RPL14: variants seen among roughly 807,000 people sequenced by gnomAD.
RPL14 encodes the protein large ribosomal subunit protein eL14.
A neutral mutation model predicts 25.3 loss-of-function variants in RPL14; 4 were observed. The observed-to-expected ratio is 0.16, with a 90% CI of 0.08 to 0.36. The LOEUF (loss-of-function observed/expected upper bound fraction) is 0.36. Ranked by LOEUF, RPL14 falls within the 10% of genes least tolerant of loss-of-function variation. The pLI is 1.00. For synonymous variants in RPL14, 75 were observed against 89.8 expected (o/e 0.84, Z 0.93); for missense variants, 212 against 261.9 (o/e 0.81, Z 1.31).
intron 1 of RPL14, 121 bp from the exon 2 acceptor site, chr3:40,457,769 G>T (rs1696866968): frequency 1.0e-6 from 1 of 989,218 alleles, no homozygotes; most frequent in Non-Finnish European, 1.5e-6. Flanking sequence ...GCTCTCGGGC[G>T]TTTGTTCCCT....
chr3:40,461,304 G>A, intron 3 of RPL14, 103 bp from the exon 4 acceptor site: 1 of 869,702 alleles, frequency 1.1e-6, no homozygotes, highest in Admixed American at 2.0e-5. Flanking sequence ...TGTACCAGGT[G>A]TTGTGTAACA....
Position 40,462,372 on chromosome 3 carries a change from C to CTTTTTTTTTTTTTTTTTTTTTTT in RPL14, c.*140_*141insTTTTTTTTTTTTTTTTTTTTTTT, listed in dbSNP as rs1575252735. ...TATAATAAACATTAAATAATCAGTT[C>CTTTTTTTTTTTTTTTTTTTTTTT]CTTTTTTTTTTTTTTTTTTTTTGAG... On this transcript the variant is annotated 3_prime_UTR_variant, in exon 6 of 6. Transcript: ENST00000396203. 1.9e-6 allele frequency: 1 copy of CTTTTTTTTTTTTTTTTTTTTTTT among 519,602 alleles called. No homozygotes were observed. Among genetic ancestry groups the CTTTTTTTTTTTTTTTTTTTTTTT allele is most frequent in the South Asian group, 3.8e-5 (1 of 26,574 alleles). The allele number at this position is 519,602 out of a possible 1,614,324, so 32.2% of individuals were successfully genotyped here. A position where few individuals can be genotyped will look rare whatever the true frequency, so the allele number is the denominator to read the frequency against.
In RPL14 at chr3:40,457,385, T is replaced by C; in HGVS notation, c.-87T>C. 6.2e-7 allele frequency: 1 copy of C among 1,603,528 alleles called. No individual in the cohort carries two copies. The highest frequency in any genetic ancestry group is 8.5e-7 in the Non-Finnish European group (1 of 1,174,620). On this transcript the variant is annotated 5_prime_UTR_variant, in exon 1 of 6. Coordinates refer to ENST00000396203, the MANE Select transcript of RPL14 (RefSeq NM_001034996.3). ...CATGGTGAGTCTTACTGTTGCGGGCTCCGGGGCCGTCGACCATGCCGCTCG... is the reference window on the plus strand; with the variant it reads ...CATGGTGAGTCTTACTGTTGCGGGCCCCGGGGCCGTCGACCATGCCGCTCG...
In RPL14 at chr3:40,464,475, G is replaced by A. The variant is rs903288795; in HGVS notation, c.*2243G>A. The A allele has an allele frequency of 7.2e-5, 33 of 455,936 alleles. No homozygotes were observed. The highest frequency in any genetic ancestry group is 5.3e-5 in the Non-Finnish European group (12 of 226,804). The allele number at this position is 455,936 out of a possible 1,614,324, so 28.2% of individuals were successfully genotyped here. ...ATACCTAAAATAAGAAGAAGGTGGT[G>A]TAAGGGGAAGAATGACACGAGATAG... On this transcript the variant is annotated 3_prime_UTR_variant, in exon 6 of 6. Coordinates refer to ENST00000396203, the MANE Select transcript of RPL14 (RefSeq NM_001034996.3).
Position 40,464,384 on chromosome 3 carries a change from A to G in RPL14, c.*2152A>G, listed in dbSNP as rs777495579. On this transcript the variant is annotated 3_prime_UTR_variant, in exon 6 of 6. Transcript: ENST00000396203. ...AGTGGTATGGTGTAATAAGGAAAAT[A>G]TGGATGATTTCGGATTACCTGTTCT... The G allele has an allele frequency of 1.1e-4, 51 of 448,322 alleles. No individual in the cohort carries two copies. The highest frequency in any genetic ancestry group is 1.8e-4 in the Non-Finnish European group (41 of 222,778). 27.8% of individuals were successfully genotyped at this position (448,322 alleles called of 1,614,324 possible). A position where few individuals can be genotyped will look rare whatever the true frequency, so the allele number is the denominator to read the frequency against.
rs1447055207 is a variant in RPL14 at position 40,463,938 on chromosome 3, A to T, written c.*1706A>T. The T allele has an allele frequency of 6.5e-6, 1 of 153,846 alleles. No individual in the cohort carries two copies. The highest frequency in any genetic ancestry group is 1.4e-5 in the Non-Finnish European group (1 of 69,272). The allele number at this position is 153,846 out of a possible 1,614,324, so 9.5% of individuals were successfully genotyped here. Reference sequence around the variant, plus strand: ...GCAGTAAAAGATCCTGGATAGATTTAAAAATACTACAAAGCTGTACATGAA... The same window carrying T: ...GCAGTAAAAGATCCTGGATAGATTTTAAAATACTACAAAGCTGTACATGAA... On this transcript the variant is annotated 3_prime_UTR_variant, in exon 6 of 6. Transcript: ENST00000396203.
Position 40,466,989 on chromosome 3 carries a change from T to G in RPL14, c.*4757T>G, listed in dbSNP as rs538050159. The G allele has an allele frequency of 6.6e-6, 1 of 152,258 alleles. No homozygotes were observed. The highest frequency in any genetic ancestry group is 1.5e-5 in the Non-Finnish European group (1 of 68,014). The allele number at this position is 152,258 out of a possible 1,614,324, so 9.4% of individuals were successfully genotyped here. On this transcript the variant is annotated 3_prime_UTR_variant, in exon 6 of 6. Transcript: ENST00000396203. ...TTTTTAATCTAGGCTAAATCATGAA[T>G]ACATTTACATTTAAATAAAATATTA...
intron 1 of RPL14, 36 bp downstream of exon 1, chr3:40,457,510 G>GGCCCGTCCCGGACTCGC: frequency 6.7e-7 from 1 of 1,485,012 alleles, no homozygotes. Flanking sequence ...AGCGGAATCG[G>GGCCCGTCCCGGACTCGC]GCCCTTCCCG....
chr3:40,459,345 G>A (rs1250073805), intron 3 of RPL14, among the ~76,000 whole-genome samples: 1 of 152,084 alleles, frequency 6.6e-6, no homozygotes, highest in Non-Finnish European at 1.5e-5. Flanking sequence ...ATTGCTACTA[G>A]CTATCATTAG....
At chr3:40,461,914 G>A (rs1696942989) in intron 5 of RPL14, 25 bp from the exon 6 acceptor site, 1 of 1,579,180 alleles carries the variant, frequency 6.3e-7, no homozygotes, top group East Asian at 2.2e-5. Context: ...CACAATAAGT[G>A]CTTTCTTACA....
intron 3 of RPL14, 90 bp from the exon 4 acceptor site, chr3:40,461,313 CAGGA>C: frequency 1.0e-6 from 1 of 993,244 alleles, no homozygotes; most frequent in Non-Finnish European, 1.6e-6. Flanking sequence ...TGTTGTGTAA[CAGGA>C]AGAGTGCTTT....
At chr3:40,458,251 A>G (rs1214157714) in intron 2 of RPL14, 2 of 561,700 alleles carry the variant, frequency 3.6e-6, no homozygotes, top group Non-Finnish European at 6.3e-6. Context: ...TACTATACGT[A>G]AAGTGAGTTT....
In RPL14 at chr3:40,466,697, A is replaced by C. The variant is rs1280144503; in HGVS notation, c.*4465A>C. 4 of 152,200 alleles carry C rather than the reference A, an allele frequency of 2.6e-5. No homozygotes were observed. The highest frequency in any genetic ancestry group is 9.7e-5 in the African/African-American group (4 of 41,440). 9.4% of individuals were successfully genotyped at this position (152,200 alleles called of 1,614,324 possible). A position where few individuals can be genotyped will look rare whatever the true frequency, so the allele number is the denominator to read the frequency against. On this transcript the variant is annotated 3_prime_UTR_variant, in exon 6 of 6. Coordinates refer to ENST00000396203, the MANE Select transcript of RPL14 (RefSeq NM_001034996.3). ...GTCAAATAAGATGCTTGTGAAAGTG[A>C]GGACAGGATCTATCCTCAACACCTA... is the stretch of plus-strand genomic sequence containing the variant.
rs1696856682 is a variant in RPL14 at position 40,457,373 on chromosome 3, A to C, written c.-99A>C. 6.2e-7 allele frequency: 1 copy of C among 1,607,028 alleles called. No homozygotes were observed. Among genetic ancestry groups the C allele is most frequent in the South Asian group, 1.1e-5 (1 of 90,562 alleles). On this transcript the variant is annotated 5_prime_UTR_variant, in exon 1 of 6. Transcript: ENST00000396203. ...TAACGCCGCCAACATGGTGAGTCTT[A>C]CTGTTGCGGGCTCCGGGGCCGTCGA...
Position 40,461,421 on chromosome 3 carries a change from A to G in RPL14, c.215A>G (p.Tyr72Cys). ...LKFPHSAHQKYVRQAWQKADI... is the reference protein window; with the variant it reads ...LKFPHSAHQKCVRQAWQKADI... ...GCTCGTTCTAGTGCCCACCAGAAGT[A>G]TGTCCGACAAGCCTGGCAGAAGGCA... The change falls in exon 4 of 6, where the codon TAT (tyrosine) becomes TGT (cysteine). Residue 72 changes from tyrosine (Y) to cysteine (C), a missense_variant. By Grantham distance (194) the Tyr-to-Cys change is radical. Coordinates refer to ENST00000396203, the MANE Select transcript of RPL14 (RefSeq NM_001034996.3). 1 of 1,614,114 alleles carries G rather than the reference A, an allele frequency of 6.2e-7. No individual in the cohort carries two copies. Among genetic ancestry groups the G allele is most frequent in the Non-Finnish European group, 8.5e-7 (1 of 1,180,012 alleles).
At position 40,462,971 on chromosome 3, in the gene RPL14, C is replaced by G. The variant is rs919602096; in HGVS notation, c.*739C>G. The G allele has an allele frequency of 6.6e-6, 1 of 151,876 alleles. No individual in the cohort carries two copies. The highest frequency in any genetic ancestry group is 1.5e-5 in the Non-Finnish European group (1 of 68,018). The allele number at this position is 151,876 out of a possible 1,614,324, so 9.4% of individuals were successfully genotyped here. A position where few individuals can be genotyped will look rare whatever the true frequency, so the allele number is the denominator to read the frequency against. On this transcript the variant is annotated 3_prime_UTR_variant, in exon 6 of 6. Transcript: ENST00000396203. ...ACAGAGTCTTGCTGTGTTGCCCAGGCTGGAGTGCAGTGGTGCGATCTCAGC... is the reference window on the plus strand; with the variant it reads ...ACAGAGTCTTGCTGTGTTGCCCAGGGTGGAGTGCAGTGGTGCGATCTCAGC...
At chr3:40,461,100 G>A (rs1354554580) in intron 3 of RPL14, among the ~76,000 whole-genome samples, 1 of 152,038 alleles carries the variant, frequency 6.6e-6, no homozygotes, top group Non-Finnish European at 1.5e-5. Flanking sequence ...GGAGGCTGAG[G>A]CAGGAGGATG....
At chr3:40,457,673 T>C (rs777711994) in intron 1 of RPL14, 199 bp downstream of exon 1, 53 of 655,174 alleles carry the variant, frequency 8.1e-5, no homozygotes, top group Non-Finnish European at 6.5e-5. Flanking sequence ...GTGTGGGCCT[T>C]GCGGACCTGG....
rs1184254278 is a variant in RPL14, at chr3:40,464,518, A to G, written c.*2286A>G. 1 of 455,910 alleles carries G rather than the reference A, an allele frequency of 2.2e-6. No homozygotes were observed. Among genetic ancestry groups the G allele is most frequent in the African/African-American group, 2.0e-5 (1 of 50,062 alleles). 28.2% of individuals were successfully genotyped at this position (455,910 alleles called of 1,614,324 possible). ...CGAGATAGGAAATAAACGAACTGAT[A>G]GTGTAGAGGACTGGCTCGGGACCAC... is the stretch of plus-strand genomic sequence containing the variant. On this transcript the variant is annotated 3_prime_UTR_variant, in exon 6 of 6. Transcript: ENST00000396203.
Sources: allele counts gnomAD v4.1 joint callset (sites outside exome capture counted in the v4.1 genomes callset), GRCh38; gene constraint gnomAD v4.1.1; transcripts MANE v1.5; gene names NCBI Gene and HGNC (gene_info 2026-07-23, HGNC 2026-07-21).